Variants in VASN observed in about 807,000 individuals in gnomAD.
The protein encoded by VASN is protein slit-like 2.
VASN carries 5 observed loss-of-function variants against 4.8 expected under a neutral mutation model. The observed-to-expected ratio is 1.03, with a 90% CI of 0.54 to 2.17. VASN has a LOEUF of 2.17. Among genes scored for constraint, VASN ranks in the 30% most tolerant of loss-of-function variants. VASN has a pLI of 0.01. For synonymous variants in VASN, 499 were observed against 460.8 expected, an observed-to-expected ratio of 1.08 and a Z score of -1.06; for missense variants, 927 against 948.8, an observed-to-expected ratio of 0.98 and a Z score of 0.30.
chr16:4,379,760 A>T (rs1020033554), intron 1 of VASN, among the ~76,000 whole-genome samples: 1 of 151,776 alleles, frequency 6.6e-6, no homozygotes, highest in African/African-American at 2.4e-5. Flanking sequence ...ACAGTAGACG[A>T]AGCCGGGCAC....
At chr16:4,372,549 C>T (rs1175148714) in intron 1 of VASN, among the ~76,000 whole-genome samples, 2 of 152,164 alleles carry the variant, frequency 1.3e-5, no homozygotes, top group African/African-American at 4.8e-5. Context: ...CCTGTACTGG[C>T]CAGGGCCCTT....
At chr16:4,376,911 C>T (rs1044028040) in intron 1 of VASN, among the ~76,000 whole-genome samples, 1 of 152,202 alleles carries the variant, frequency 6.6e-6, no homozygotes, top group Non-Finnish European at 1.5e-5. Flanking sequence ...TTAGTAGTAC[C>T]CACGCCCAGG....
Position 4,382,347 on chromosome 16 carries a change from G to A in VASN, c.1470G>A (p.Gln490=), listed in dbSNP as rs1434539390. ...LQRYLQGSSV[Q]LRSLRLTYRN... is the part of the protein sequence containing the mutation. ...GCTACCTCCAGGGGAGCTCCGTGCA[G>A]CTCAGGAGCCTCCGTCTCACCTATC... The change falls in exon 2 of 2, where the codon CAG becomes CAA. Residue 490 remains glutamine, a synonymous_variant. Transcript: ENST00000304735. 1.2e-6 allele frequency: 2 copies of A among 1,611,854 alleles called. No individual in the cohort carries two copies. Among genetic ancestry groups the A allele is most frequent in the Non-Finnish European group, 1.7e-6 (2 of 1,179,576 alleles).
At chr16:4,374,166 C>T (rs1332938334) in intron 1 of VASN, among the ~76,000 whole-genome samples, 3 of 123,112 alleles carry the variant, frequency 2.4e-5, no homozygotes, top group Non-Finnish European at 4.8e-5. Flanking sequence ...GTGCGCGTGA[C>T]TGGAGCAGGG....
rs75925159 is a variant in VASN at position 4,379,593 on chromosome 16, G to A, written c.-9-1276G>A. 7.2e-5 allele frequency among the ~76,000 whole-genome samples: 11 copies of A among 152,252 alleles called. No homozygotes were observed. The East Asian group carries it at 1.5e-3, about 21-fold the overall frequency. Reference sequence around the variant, plus strand: ...CCTGCTTTCTTCTGTCTGCCCTGACGTGGCTGCTGGGGGGCTACCTGAGGT... The same window carrying A: ...CCTGCTTTCTTCTGTCTGCCCTGACATGGCTGCTGGGGGGCTACCTGAGGT... On this transcript the variant is annotated intron_variant, in intron 1 of 1. Transcript: ENST00000304735.
rs574278453 is a variant in VASN, at chr16:4,374,414, C to T, written c.-10+2421C>T. ...GTTTTGGGCAGGGGGTGGGGGCAGG[C>T]GAGGGGCCAGTTATTCTTCAGGGTT... On this transcript the variant is annotated intron_variant, in intron 1 of 1. Transcript: ENST00000304735. Among the ~76,000 whole-genome samples the T allele has an allele frequency of 4.6e-5, 7 of 152,098 alleles. No individual in the cohort carries two copies. The South Asian group carries it at 1.5e-3, about 32-fold the overall frequency.
intron 1 of VASN, among the ~76,000 whole-genome samples, chr16:4,374,161 C>T (rs982842625): frequency 7.6e-5 from 9 of 118,164 alleles, no homozygotes; most frequent in African/African-American, 1.3e-4. Context: ...TCTGTGTGCG[C>T]GTGACTGGAG....
chr16:4,383,082 G>T lies in VASN; in HGVS notation c.*183G>T. 1 of 673,426 alleles carries T rather than the reference G, an allele frequency of 1.5e-6. No homozygotes were observed. Among genetic ancestry groups the T allele is most frequent in the Non-Finnish European group, 2.4e-6 (1 of 418,528 alleles). 41.7% of individuals were successfully genotyped at this position (673,426 alleles called of 1,614,324 possible). On this transcript the variant is annotated 3_prime_UTR_variant, in exon 2 of 2. Transcript: ENST00000304735. ...GGTCTCCTCATCTGTGAGATGCTGT[G>T]GCCCAGCTGACGAGCCCTAACGTCC...
chr16:4,379,280 C>T (rs1308542293), intron 1 of VASN, among the ~76,000 whole-genome samples: 1 of 152,092 alleles, frequency 6.6e-6, no homozygotes, highest in Admixed American at 6.5e-5. Context: ...GATGGGCTGG[C>T]ACCCCGTATG....
At chr16:4,380,774 C>A in intron 1 of VASN, 95 bp from the exon 2 acceptor site, 2 of 1,316,372 alleles carry the variant, frequency 1.5e-6, no homozygotes, top group Non-Finnish European at 2.0e-6. Flanking sequence ...CATTTGGGGG[C>A]AGAAGCAGTG....
In VASN at chr16:4,382,725, G is replaced by T; in HGVS notation, c.1848G>T (p.Gly616=). 1 of 1,552,372 alleles carries T rather than the reference G, an allele frequency of 6.4e-7. No individual in the cohort carries two copies. ...CGGCTCAGGACAAAGGGCAGGTGGGGCCAGGGGCTGGGCCCCTGGAACTGG... is the reference window on the plus strand; with the variant it reads ...CGGCTCAGGACAAAGGGCAGGTGGGTCCAGGGGCTGGGCCCCTGGAACTGG... ...AAAAQDKGQV[G]PGAGPLELEG... is the part of the protein sequence containing the mutation. The change falls in exon 2 of 2, where the codon GGG becomes GGT. Residue 616 remains glycine, a synonymous_variant. Transcript: ENST00000304735.
Position 4,374,551 on chromosome 16 carries a change from G to T in VASN, c.-10+2558G>T, listed in dbSNP as rs8045158. Among the ~76,000 whole-genome samples, 166 of 152,268 alleles carry T rather than the reference G, an allele frequency of 1.1e-3. 2 individuals carry two copies. The highest frequency in any genetic ancestry group is 3.8e-3 in the African/African-American group (160 of 41,564). ...GGGAGGAGGGAGCCGGCCTACACCGGGAAGGGGCTGGGGCGGCCGCTGGGG... is the reference window on the plus strand; with the variant it reads ...GGGAGGAGGGAGCCGGCCTACACCGTGAAGGGGCTGGGGCGGCCGCTGGGG... On this transcript the variant is annotated intron_variant, in intron 1 of 1. Transcript: ENST00000304735.
At chr16:4,380,585 C>G (rs1843481379) in intron 1 of VASN, among the ~76,000 whole-genome samples, 1 of 152,232 alleles carries the variant, frequency 6.6e-6, no homozygotes, top group African/African-American at 2.4e-5. Flanking sequence ...TAGGCAGAGG[C>G]AGGAGGGCCT....
Position 4,383,275 on chromosome 16 carries a change from A to AGAGG in VASN, c.*380_*383dup. The AGAGG allele has an allele frequency of 4.0e-6, 1 of 252,280 alleles. No homozygotes were observed. The highest frequency in any genetic ancestry group is 8.0e-6 in the Non-Finnish European group (1 of 124,386). The allele number at this position is 252,280 out of a possible 1,614,324, so 15.6% of individuals were successfully genotyped here. On this transcript the variant is annotated 3_prime_UTR_variant, in exon 2 of 2. Transcript: ENST00000304735. Reference sequence around the variant, plus strand: ...AGTGAAGGAAGCTCCCGGAAAGAGCAGAGGGAGAGCGGGTAGGCGGCTGTG... The same window carrying AGAGG: ...AGTGAAGGAAGCTCCCGGAAAGAGCAGAGGGAGGGAGAGCGGGTAGGCGGCTGTG...
rs1268395326 is a variant in VASN at position 4,382,722 on chromosome 16, G to A, written c.1845G>A (p.Val615=). Reference sequence around the variant, plus strand: ...CAGCGGCTCAGGACAAAGGGCAGGTGGGGCCAGGGGCTGGGCCCCTGGAAC... The same window carrying A: ...CAGCGGCTCAGGACAAAGGGCAGGTAGGGCCAGGGGCTGGGCCCCTGGAAC... ...MAAAAQDKGQ[V]GPGAGPLELE... The change falls in exon 2 of 2, where the codon GTG becomes GTA. Residue 615 remains valine, a synonymous_variant. Coordinates refer to ENST00000304735, the MANE Select transcript of VASN (RefSeq NM_138440.3). 1.3e-6 allele frequency: 2 copies of A among 1,552,012 alleles called. No homozygotes were observed. Among genetic ancestry groups the A allele is most frequent in the Non-Finnish European group, 1.7e-6 (2 of 1,148,894 alleles).
In VASN at chr16:4,381,054, C is replaced by T; in HGVS notation, c.177C>T (p.Val59=). ...CACCCGACACGGTGGGGCTGTACGT[C>T]TTTGAGAACGGCATCACCATGCTCG... ...DVPPDTVGLY[V]FENGITMLDA... The change falls in exon 2 of 2, where the codon GTC becomes GTT. Residue 59 remains valine, a synonymous_variant. Coordinates refer to ENST00000304735, the MANE Select transcript of VASN (RefSeq NM_138440.3). The T allele has an allele frequency of 1.9e-6, 3 of 1,610,800 alleles. No individual in the cohort carries two copies. The highest frequency in any genetic ancestry group is 2.5e-6 in the Non-Finnish European group (3 of 1,179,200).
intron 1 of VASN, among the ~76,000 whole-genome samples, chr16:4,373,415 G>T (rs1485679198): frequency 6.6e-6 from 1 of 152,128 alleles, no homozygotes; most frequent in Non-Finnish European, 1.5e-5. Context: ...GGGTCCGGAG[G>T]GTCAGATGGG....
In VASN at chr16:4,382,439, C is replaced by T. The variant is rs1436475330; in HGVS notation, c.1562C>T (p.Thr521Met). 9 of 1,609,986 alleles carry T rather than the reference C, an allele frequency of 5.6e-6. No individual in the cohort carries two copies. Among genetic ancestry groups the T allele is most frequent in the Non-Finnish European group, 7.6e-6 (9 of 1,178,752 alleles). ...LRLPASLAEYTVTQLRPNATY... is the reference protein window; with the variant it reads ...LRLPASLAEYMVTQLRPNATY... ...CTGCCTGCCTCGCTCGCTGAGTACA[C>T]GGTCACCCAGCTGCGGCCCAACGCC... The change falls in exon 2 of 2, where the codon ACG becomes ATG. Residue 521 changes from threonine to methionine, a missense_variant. Physicochemically the swap from Thr to Met is moderately conservative, Grantham distance 81. Coordinates refer to ENST00000304735, the MANE Select transcript of VASN (RefSeq NM_138440.3).
chr16:4,375,617 A>G (rs2054692008), intron 1 of VASN, among the ~76,000 whole-genome samples: 1 of 152,166 alleles, frequency 6.6e-6, no homozygotes. Context: ...CCTCCCAAGT[A>G]GCTGGGACTA....
Sources: gnomAD v4.1 joint callset for allele counts (sites outside exome capture counted in the v4.1 genomes callset) on GRCh38, gnomAD v4.1.1 for gene constraint, MANE v1.5 for transcripts, NCBI Gene and HGNC (gene_info 2026-07-23, HGNC 2026-07-21) for gene names.